Variants in LRRC36 observed in about 807,000 individuals in gnomAD.
LRRC36 encodes leucine-rich repeat-containing protein 36.
In LRRC36, 62 loss-of-function variants were observed where a neutral mutation model predicts 81.1. The observed-to-expected ratio is 0.76, with a 90% CI of 0.62 to 0.94. The LOEUF is 0.94. Among genes scored for constraint, LRRC36 ranks in the 40% least tolerant of loss-of-function variants. The probability of loss-of-function intolerance (pLI) is 0.00; values close to 1 mark genes in which losing one functional copy is unlikely to be tolerated. For missense variants in LRRC36, 761 were observed against 881.7 expected (o/e 0.86, Z 1.73); for synonymous variants, 334 against 348.6 (o/e 0.96, Z 0.47).
chr16:67,345,990 T>G (rs1443361456), intron 2 of LRRC36, among the ~76,000 whole-genome samples: 3 of 152,172 alleles, frequency 2.0e-5, no homozygotes, highest in Non-Finnish European at 4.4e-5. Context: ...AAGTGGAGAA[T>G]TGACTGCAGA....
At chr16:67,345,666 G>A (rs1329544466) in intron 2 of LRRC36, among the ~76,000 whole-genome samples, 1 of 152,140 alleles carries the variant, frequency 6.6e-6, no homozygotes, top group Non-Finnish European at 1.5e-5. Flanking sequence ...ACTGGTCCAG[G>A]AGTGAGGACT....
At chr16:67,375,623 TATA>T (rs772363902) in intron 10 of LRRC36, among the ~76,000 whole-genome samples, 2 of 152,362 alleles carry the variant, frequency 1.3e-5, no homozygotes, top group Non-Finnish European at 2.9e-5. Flanking sequence ...CTAATTATTT[TATA>T]ATGATTGTTT....
intron 9 of LRRC36, among the ~76,000 whole-genome samples, chr16:67,372,350 C>A (rs1206264619): frequency 6.6e-6 from 1 of 150,780 alleles, no homozygotes; most frequent in Non-Finnish European, 1.5e-5. Context: ...GAGTGAGACT[C>A]TGTCTCCAAA....
intron 12 of LRRC36, 65 bp from the exon 13 acceptor site, chr16:67,382,068 T>C: frequency 9.0e-7 from 1 of 1,113,114 alleles, no homozygotes; most frequent in East Asian, 2.4e-5. Context: ...TCTGAATACT[T>C]ATATTCTGCT....
chr16:67,356,805 A>C (rs2038924360), intron 5 of LRRC36, among the ~76,000 whole-genome samples: 1 of 152,212 alleles, frequency 6.6e-6, no homozygotes, highest in Non-Finnish European at 1.5e-5. Flanking sequence ...AATAGAGTTC[A>C]GTGGGCATAG....
intron 7 of LRRC36, among the ~76,000 whole-genome samples, chr16:67,366,520 C>T (rs1174487634): frequency 1.3e-5 from 2 of 151,996 alleles, no homozygotes; most frequent in African/African-American, 2.4e-5. Flanking sequence ...GAGGCCGAGG[C>T]GGGTGGATCA....
intron 3 of LRRC36, among the ~76,000 whole-genome samples, chr16:67,346,742 G>A (rs989718997): frequency 2.6e-5 from 4 of 152,098 alleles, no homozygotes; most frequent in African/African-American, 9.7e-5. Context: ...TTTTCCAGGT[G>A]CCCCAACTTT....
chr16:67,332,900 T>A lies in LRRC36; in HGVS notation c.70+5968T>A, dbSNP rs373257162. Reference sequence around the variant, plus strand: ...ATTTATTTATTTTATTTATTTATTTTTTTTTAAAAAAAACATGGTCTTATT... The same window carrying A: ...ATTTATTTATTTTATTTATTTATTTATTTTTAAAAAAAACATGGTCTTATT... On this transcript the variant is annotated intron_variant, in intron 1 of 13. Coordinates refer to ENST00000329956, the MANE Select transcript of LRRC36 (RefSeq NM_018296.6). Among the ~76,000 whole-genome samples, 142 of 151,774 alleles carry A rather than the reference T, an allele frequency of 9.4e-4. 1 individual carries two copies. The highest frequency in any genetic ancestry group is 6.6e-3 in the East Asian group (34 of 5,174).
chr16:67,367,306 T>C lies in LRRC36; in HGVS notation c.1044T>C (p.Gly348=). The change falls in exon 8 of 14, where the codon GGT becomes GGC. Residue 348 remains glycine, a synonymous_variant. Transcript: ENST00000329956. ...SQTLSLHGSL[G]KRPQRSKNYQ... is the part of the protein sequence containing the mutation. Reference sequence around the variant, plus strand: ...CTCTATCCCTGCATGGAAGTCTTGGTAAAAGGCCTCAGAGAAGCAAGAACT... The same window carrying C: ...CTCTATCCCTGCATGGAAGTCTTGGCAAAAGGCCTCAGAGAAGCAAGAACT... 1.9e-6 allele frequency: 3 copies of C among 1,614,152 alleles called. No individual in the cohort carries two copies. Among genetic ancestry groups the C allele is most frequent in the Non-Finnish European group, 2.5e-6 (3 of 1,180,022 alleles).
chr16:67,346,340 C>T lies in LRRC36; in HGVS notation c.283C>T (p.Pro95Ser). 1 of 1,612,158 alleles carries T rather than the reference C, an allele frequency of 6.2e-7. No homozygotes were observed. Among genetic ancestry groups the T allele is most frequent in the South Asian group, 1.1e-5 (1 of 90,978 alleles). Residue 95 changes from proline to serine, a missense_variant, in exon 3 of 14, where the codon CCG becomes TCG. This residue lies in a region of LRRC36 where 263 missense variants were observed against 279.3 expected (regional missense o/e 0.94). Coordinates refer to ENST00000329956, the MANE Select transcript of LRRC36 (RefSeq NM_018296.6). ...PSLVEVSRLQ[P>S]LPFLKELDLR... is the part of the protein sequence containing the mutation. ...ATTAGTGGAAGTGTCCCGTCTACAA[C>T]CGTTACCCTTCCTCAAAGAACTGGA...
chr16:67,347,560 A>G lies in LRRC36; in HGVS notation c.457A>G (p.Ser153Gly), dbSNP rs2038411512. The change falls in exon 4 of 14, where the codon AGT becomes GGT. Residue 153 changes from serine to glycine, a missense_variant. Coordinates refer to ENST00000329956, the MANE Select transcript of LRRC36 (RefSeq NM_018296.6). ...AKLHFSQLGN[S>G]ENFLLEVEKS... ...GCTGCATTTTAGTCAGTTGGGCAACAGTGAAAATTTTCTTTTAGAGGTGGA... is the reference window on the plus strand; with the variant it reads ...GCTGCATTTTAGTCAGTTGGGCAACGGTGAAAATTTTCTTTTAGAGGTGGA... The G allele has an allele frequency of 1.2e-6, 2 of 1,612,780 alleles. No individual in the cohort carries two copies. Among genetic ancestry groups the G allele is most frequent in the Non-Finnish European group, 1.7e-6 (2 of 1,178,948 alleles).
At chr16:67,371,476 T>G in intron 9 of LRRC36, 1 of 553,226 alleles carries the variant, frequency 1.8e-6, no homozygotes, top group Non-Finnish European at 3.3e-6. Flanking sequence ...GAACTGTCCC[T>G]GATCTACTTC....
At chr16:67,375,520 A>AGGATG in intron 10 of LRRC36, 108 bp downstream of exon 10, 6 of 871,782 alleles carry the variant, frequency 6.9e-6, no homozygotes, top group Non-Finnish European at 1.0e-5. Context: ...AGTTGTTCTC[A>AGGATG]TGATCACATC....
chr16:67,376,307 C>T (rs1362822937), intron 10 of LRRC36, among the ~76,000 whole-genome samples: 1 of 151,890 alleles, frequency 6.6e-6, no homozygotes, highest in Admixed American at 6.6e-5. Flanking sequence ...GACTCCGTCT[C>T]GGAAAACAAA....
chr16:67,355,664 G>A (rs2038871881), intron 5 of LRRC36, among the ~76,000 whole-genome samples: 1 of 152,088 alleles, frequency 6.6e-6, no homozygotes, highest in Non-Finnish European at 1.5e-5. Flanking sequence ...GTGAGCCACC[G>A]CGCCCGGTCT....
In LRRC36 at chr16:67,381,723, G is replaced by A. The variant is rs142426335; in HGVS notation, c.1931-410G>A. ...TCCATCCCATCTCCTGGGTTCAAGC[G>A]ATTCTCTGCCTCAGCCTCTCGAGCA... On this transcript the variant is annotated intron_variant, in intron 12 of 13. Transcript: ENST00000329956. Among the ~76,000 whole-genome samples the A allele has an allele frequency of 1.7e-3, 253 of 152,166 alleles. 2 individuals are homozygous for A. In the East Asian group the frequency reaches 0.038, roughly 23 times the overall value.
chr16:67,366,970 C>T (rs747448381), intron 7 of LRRC36, 47 bp from the exon 8 acceptor site: 9 of 1,483,826 alleles, frequency 6.1e-6, no homozygotes, highest in Admixed American at 4.1e-5. Flanking sequence ...AGCTAGGCCA[C>T]AAAGAATTCT....
chr16:67,341,294 A>T (rs1001834148), intron 1 of LRRC36, among the ~76,000 whole-genome samples: 5 of 130,758 alleles, frequency 3.8e-5, no homozygotes, highest in Admixed American at 3.6e-4. Context: ...GTCTATAGAC[A>T]GTCTATAGAC....
rs1471942107 is a variant in LRRC36 at position 67,374,903 on chromosome 16, G to A, written c.1495-344G>A. On this transcript the variant is annotated intron_variant, in intron 9 of 13. Coordinates refer to ENST00000329956, the MANE Select transcript of LRRC36 (RefSeq NM_018296.6). ...TCCCAACACTTTGGGAAGCTGAGGC[G>A]GGACGATCACAAGGTCAGGAGTTGG... 2.6e-5 allele frequency among the ~76,000 whole-genome samples: 4 copies of A among 151,870 alleles called. No homozygotes were observed. In the South Asian group the frequency reaches 8.3e-4, roughly 32 times the overall value.
Sources: allele counts gnomAD v4.1 joint callset (sites outside exome capture counted in the v4.1 genomes callset), GRCh38; gene constraint gnomAD v4.1.1; regional missense constraint gnomAD v4.1.1; transcripts MANE v1.5; gene names NCBI Gene and HGNC (gene_info 2026-07-23, HGNC 2026-07-21).